The following RLF variants were observed in gnomAD, a reference collection of about 807,000 sequenced individuals.
The protein encoded by RLF is zinc finger protein Rlf.
In RLF, 7 loss-of-function variants were observed where a neutral mutation model predicts 162.9. The observed-to-expected ratio is 0.04, with a 90% CI of 0.02 to 0.08. RLF has a LOEUF of 0.08. RLF is among the 10% of genes least tolerant of loss of function. RLF has a pLI of 1.00. For missense variants in RLF, 1,664 were observed against 2,244.7 expected, an observed-to-expected ratio of 0.74 and a Z score of 5.23; for synonymous variants, 782 against 791.5, an observed-to-expected ratio of 0.99 and a Z score of 0.20.
At chr1:40,191,828 AAATTAC>A (rs777314890) in intron 3 of RLF, among the ~76,000 whole-genome samples, 39 of 152,340 alleles carry the variant, frequency 2.6e-4, no homozygotes, top group Non-Finnish European at 5.0e-4. Flanking sequence ...TCTTCTAATC[AAATTAC>A]AAACCTTATA....
At chr1:40,230,466 C>T (rs1643138421) in intron 6 of RLF, among the ~76,000 whole-genome samples, 1 of 151,990 alleles carries the variant, frequency 6.6e-6, no homozygotes, top group Admixed American at 6.6e-5. Flanking sequence ...GAGTCTTGCT[C>T]TGTCGCCTAG....
chr1:40,172,437 T>G (rs757223426), intron 1 of RLF, among the ~76,000 whole-genome samples: 3 of 152,222 alleles, frequency 2.0e-5, no homozygotes, highest in Admixed American at 6.5e-5. Context: ...ATGAACTTCC[T>G]TAAATATTAA....
At chr1:40,233,776 T>A (rs1033251725) in intron 7 of RLF, among the ~76,000 whole-genome samples, 1 of 152,172 alleles carries the variant, frequency 6.6e-6, no homozygotes, top group Non-Finnish European at 1.5e-5. Context: ...TTATCTCAAT[T>A]GATTGTTCAC....
intron 5 of RLF, among the ~76,000 whole-genome samples, chr1:40,218,475 C>T (rs1305967138): frequency 6.6e-6 from 1 of 152,192 alleles, no homozygotes; most frequent in South Asian, 2.1e-4. Flanking sequence ...TTTAATTTAA[C>T]CTTTCATTCA....
intron 1 of RLF, among the ~76,000 whole-genome samples, chr1:40,183,385 T>C (rs1642432201): frequency 6.6e-6 from 1 of 152,214 alleles, no homozygotes; most frequent in Admixed American, 6.5e-5. Context: ...TAGCTATCTT[T>C]TGTCAGTTTT....
rs765687730 is a variant in RLF at position 40,238,874 on chromosome 1, A to G, written c.4172A>G (p.His1391Arg). 1 of 1,614,206 alleles carries G rather than the reference A, an allele frequency of 6.2e-7. No homozygotes were observed. Among genetic ancestry groups the G allele is most frequent in the Non-Finnish European group, 8.5e-7 (1 of 1,180,014 alleles). The change falls in exon 8 of 8, where the codon CAT becomes CGT. Residue 1391 changes from histidine to arginine, a missense_variant. Transcript: ENST00000372771. The surrounding 1 kb of genome is among the most constrained non-coding windows in gnomAD (Gnocchi z 5.2). Reference sequence around the variant, plus strand: ...TGTAGTGATTCTCATAACCTAGACCATATTGAAGAGCCTAAAGTACTTTCC... The same window carrying G: ...TGTAGTGATTCTCATAACCTAGACCGTATTGAAGAGCCTAAAGTACTTTCC... Reference protein sequence around the residue: ...KHCSDSHNLDHIEEPKVLSEA... With the variant: ...KHCSDSHNLDRIEEPKVLSEA...
intron 1 of RLF, among the ~76,000 whole-genome samples, chr1:40,184,000 C>T (rs574250851): frequency 2.0e-5 from 3 of 152,226 alleles, no homozygotes; most frequent in African/African-American, 7.2e-5. Flanking sequence ...AAGAAATTCT[C>T]CTTTCTTGAT....
In RLF at chr1:40,239,834, C is replaced by G; in HGVS notation, c.5132C>G (p.Thr1711Ser). The G allele has an allele frequency of 1.9e-6, 3 of 1,614,030 alleles. No individual in the cohort carries two copies. The highest frequency in any genetic ancestry group is 1.7e-6 in the Non-Finnish European group (2 of 1,180,014). Residue 1711 changes from threonine (T) to serine (S), a missense_variant, in exon 8 of 8, where the codon ACT (threonine) becomes AGT (serine). Around this residue, in one of 15 missense-constraint regions of RLF, gnomAD observed 327 missense variants for 342.7 expected, o/e 0.95. Coordinates refer to ENST00000372771, the MANE Select transcript of RLF (RefSeq NM_012421.4). ...AATCCCAATGGGACTGAAAGTGGGA[C>G]TTATTTCACAAGTTTCCAGCTGCCT... is the stretch of plus-strand genomic sequence containing the variant. ...IPNPNGTESG[T>S]YFTSFQLPLP...
At chr1:40,204,556 G>A (rs11589811) in intron 5 of RLF, among the ~76,000 whole-genome samples, 7,875 of 152,002 alleles carry the variant, frequency 0.052, 275 homozygotes, top group Non-Finnish European at 0.081. Context: ...ACAGAAACAT[G>A]CCACCATTCC....
At chr1:40,165,558 T>C (rs773731085) in intron 1 of RLF, among the ~76,000 whole-genome samples, 1 of 152,104 alleles carries the variant, frequency 6.6e-6, no homozygotes, top group Non-Finnish European at 1.5e-5. Flanking sequence ...ATAGGTTTCC[T>C]CTTATTTGTT....
At chr1:40,231,728 G>T in intron 7 of RLF, 70 bp downstream of exon 7, 1 of 1,377,498 alleles carries the variant, frequency 7.3e-7, no homozygotes. Flanking sequence ...TAACTTCTCA[G>T]GAAATTCCCT....
rs370659424 is a variant in RLF at position 40,161,422 on chromosome 1, C to A, written c.23C>A (p.Ala8Asp). The change falls in exon 1 of 8, where the codon GCC (alanine) becomes GAC (aspartate). Residue 8 changes from alanine to aspartate, a missense_variant. Coordinates refer to ENST00000372771, the MANE Select transcript of RLF (RefSeq NM_012421.4). The surrounding 1 kb of genome is among the most constrained non-coding windows in gnomAD (Gnocchi z 4.4). ...AAGATGGCGGACGGAAAGGGAGACG[C>A]CGCCGCTGTCGCCGGGGCTGGGGCT... MADGKGD[A>D]AAVAGAGAEA... 7 of 1,549,148 alleles carry A rather than the reference C, an allele frequency of 4.5e-6. No homozygotes were observed. Among genetic ancestry groups the A allele is most frequent in the Non-Finnish European group, 6.1e-6 (7 of 1,153,594 alleles).
intron 4 of RLF, among the ~76,000 whole-genome samples, chr1:40,200,248 A>T (rs1457106208): frequency 1.3e-5 from 2 of 152,226 alleles, no homozygotes; most frequent in Non-Finnish European, 2.9e-5. Context: ...GCACTTACAT[A>T]TTGCTGATGG....
chr1:40,171,125 C>A (rs1642238519), intron 1 of RLF, among the ~76,000 whole-genome samples: 1 of 152,178 alleles, frequency 6.6e-6, no homozygotes, highest in South Asian at 2.1e-4. Context: ...CTCTTAGGCT[C>A]AAGTGATCCT....
chr1:40,189,016 T>A (rs1468452430), intron 1 of RLF, 39 bp from the exon 2 acceptor site: 1 of 1,374,442 alleles, frequency 7.3e-7, no homozygotes, highest in East Asian at 2.5e-5. Flanking sequence ...TCTGTTTCAT[T>A]ATTTTTATTT....
At chr1:40,234,665 C>T (rs1311086724) in intron 7 of RLF, among the ~76,000 whole-genome samples, 1 of 152,222 alleles carries the variant, frequency 6.6e-6, no homozygotes, top group Non-Finnish European at 1.5e-5. Flanking sequence ...GAGAACTTGT[C>T]ACTTGTTGTG....
intron 5 of RLF, among the ~76,000 whole-genome samples, chr1:40,203,297 G>C (rs377018958): frequency 6.6e-6 from 1 of 151,650 alleles, no homozygotes; most frequent in Non-Finnish European, 1.5e-5. Flanking sequence ...GTACTTTTTA[G>C]TAGAGACGGG....
intron 5 of RLF, among the ~76,000 whole-genome samples, chr1:40,221,988 T>A (rs1223029516): frequency 6.6e-6 from 1 of 152,010 alleles, no homozygotes; most frequent in Non-Finnish European, 1.5e-5. Context: ...TTTTTGTTTG[T>A]TTTTTTAAGA....
chr1:40,186,657 A>G (rs1642485438), intron 1 of RLF, among the ~76,000 whole-genome samples: 1 of 152,244 alleles, frequency 6.6e-6, no homozygotes, highest in Admixed American at 6.5e-5. Context: ...GGTTTCAGCC[A>G]TCATGTTGTA....
Sources: allele counts gnomAD v4.1 joint callset (sites outside exome capture counted in the v4.1 genomes callset), GRCh38; gene constraint gnomAD v4.1.1; regional missense constraint gnomAD v4.1.1; non-coding constraint Gnocchi (gnomAD v3.1); transcripts MANE v1.5; gene names NCBI Gene and HGNC (gene_info 2026-07-23, HGNC 2026-07-21).